The following TRPS1 variants were observed in gnomAD, a reference collection of about 807,000 sequenced individuals.
TRPS1 encodes transcriptional repressor GATA binding 1, also known as zinc finger transcription factor Trps1.
Under a neutral mutation model 101.2 loss-of-function variants are expected in TRPS1, and 6 were observed. The ratio of observed to expected loss-of-function variants is 0.06; its 90% CI spans 0.03 to 0.12. The LOEUF is 0.12. TRPS1 is among the 10% of genes least tolerant of loss of function. The pLI is 1.00. For synonymous variants in TRPS1, 578 were observed against 589.8 expected (o/e 0.98, Z 0.29); for missense variants, 1,363 against 1,567.0 (o/e 0.87, Z 2.20).
chr8:115,544,727 C>T (rs1184536075), intron 5 of TRPS1, among the ~76,000 whole-genome samples: 3 of 152,112 alleles, frequency 2.0e-5, no homozygotes, highest in Non-Finnish European at 2.9e-5. Context: ...TTCGTTAACA[C>T]CCTTTCATTA....
intron 5 of TRPS1, among the ~76,000 whole-genome samples, chr8:115,558,385 G>A (rs1183856812): frequency 1.3e-5 from 2 of 152,106 alleles, no homozygotes; most frequent in African/African-American, 4.8e-5. Flanking sequence ...CAAGCCAGTG[G>A]GGAAGGAATG....
At chr8:115,581,742 T>C (rs371207919) in intron 5 of TRPS1, among the ~76,000 whole-genome samples, 3 of 152,154 alleles carry the variant, frequency 2.0e-5, no homozygotes, top group African/African-American at 7.2e-5. Flanking sequence ...AAAAGCTACT[T>C]CACTTTTACA....
chr8:115,667,944 G>A (rs1811964192), intron 1 of TRPS1: 1 of 1,533,656 alleles, frequency 6.5e-7, no homozygotes, highest in Non-Finnish European at 8.7e-7. Context: ...AGTGGCGGCG[G>A]CGGCGGCGGC....
intron 5 of TRPS1, among the ~76,000 whole-genome samples, chr8:115,546,932 C>T (rs988687277): frequency 3.9e-5 from 6 of 152,156 alleles, no homozygotes; most frequent in East Asian, 1.9e-4. Flanking sequence ...CCCAATCCTA[C>T]GTTAACTGTT....
intron 5 of TRPS1, among the ~76,000 whole-genome samples, chr8:115,438,370 T>C (rs1234644063): frequency 1.3e-5 from 2 of 152,200 alleles, no homozygotes; most frequent in Non-Finnish European, 2.9e-5. Flanking sequence ...GCTCAGCAAT[T>C]ATCAGGGAAG....
intron 5 of TRPS1, among the ~76,000 whole-genome samples, chr8:115,452,317 A>G (rs1813895020): frequency 6.6e-6 from 1 of 152,246 alleles, no homozygotes; most frequent in African/African-American, 2.4e-5. Flanking sequence ...GCACATCTGC[A>G]CAACATCAGA....
At chr8:115,422,856 G>A (rs932766461) in intron 5 of TRPS1, among the ~76,000 whole-genome samples, 8 of 152,210 alleles carry the variant, frequency 5.3e-5, no homozygotes, top group East Asian at 3.9e-4. Context: ...CCATCACCTC[G>A]TGCCTGAGAG....
At chr8:115,493,880 A>AT (rs1815088977) in intron 5 of TRPS1, among the ~76,000 whole-genome samples, 1 of 152,256 alleles carries the variant, frequency 6.6e-6, no homozygotes, top group African/African-American at 2.4e-5. Context: ...ATAGAGGGCT[A>AT]TAGCATGGAA....
chr8:115,480,678 C>T (rs757261890), intron 5 of TRPS1, among the ~76,000 whole-genome samples: 22 of 152,076 alleles, frequency 1.4e-4, no homozygotes, highest in African/African-American at 4.3e-4. Context: ...GGCCATTTTT[C>T]GGCATACATA....
intron 5 of TRPS1, among the ~76,000 whole-genome samples, chr8:115,535,307 C>CATACATAGAGCAT (rs1554583844): frequency 7.6e-6 from 1 of 132,386 alleles, no homozygotes; most frequent in African/African-American, 2.7e-5. Flanking sequence ...ATATATATAG[C>CATACATAGAGCAT]ATATATAGCA....
chr8:115,547,825 G>T (rs1433767771), intron 5 of TRPS1, among the ~76,000 whole-genome samples: 2 of 152,140 alleles, frequency 1.3e-5, no homozygotes, highest in African/African-American at 4.8e-5. Flanking sequence ...TTTGAACAGT[G>T]AATTAATTAC....
At chr8:115,638,446 T>A (rs1818820017) in intron 1 of TRPS1, among the ~76,000 whole-genome samples, 1 of 152,190 alleles carries the variant, frequency 6.6e-6, no homozygotes, top group Admixed American at 6.5e-5. Flanking sequence ...GTTAAGGTCA[T>A]GAAGGTACCT....
chr8:115,621,647 G>C (rs540957627), intron 2 of TRPS1, among the ~76,000 whole-genome samples: 21 of 152,288 alleles, frequency 1.4e-4, no homozygotes, highest in Middle Eastern at 3.4e-3. Context: ...AAGCACAGGG[G>C]CTCACGCCTG....
At chr8:115,438,303 T>A (rs756637697) in intron 5 of TRPS1, among the ~76,000 whole-genome samples, 9 of 152,220 alleles carry the variant, frequency 5.9e-5, no homozygotes, top group Admixed American at 1.3e-4. Context: ...ATGCTCTACC[T>A]GTAAAAGGCA....
intron 1 of TRPS1, among the ~76,000 whole-genome samples, chr8:115,656,227 CTTAT>C (rs1017076322): frequency 1.3e-5 from 2 of 152,100 alleles, no homozygotes; most frequent in Admixed American, 6.6e-5. Flanking sequence ...ACAGTAGCAG[CTTAT>C]TTGTTTTTAC....
intron 5 of TRPS1, among the ~76,000 whole-genome samples, chr8:115,554,440 T>C (rs1321376081): frequency 2.6e-5 from 4 of 152,162 alleles, no homozygotes; most frequent in Non-Finnish European, 5.9e-5. Context: ...ACCCACCCCT[T>C]TCCTAGAACC....
chr8:115,587,171 G>A lies in TRPS1; in HGVS notation c.2530C>T (p.Pro844Ser). 1.9e-6 allele frequency: 3 copies of A among 1,614,202 alleles called. No homozygotes were observed. Among genetic ancestry groups the A allele is most frequent in the Non-Finnish European group, 2.5e-6 (3 of 1,180,034 alleles). The change falls in exon 5 of 7, where the codon CCC (proline) becomes TCC (serine). Residue 844 changes from proline to serine, a missense_variant. By Grantham distance (74) the Pro-to-Ser change is moderately conservative. This residue lies in a region of TRPS1 where 1,020 missense variants were observed against 1,073.0 expected (regional missense o/e 0.95). Transcript: ENST00000395715. ...QEQTKTLRDS[P>S]NVEAAHLARP... ...GCCAGATGGGCGGCCTCCACATTGG[G>A]ACTATCCCTTAGAGTCTTTGTCTGC...
intron 5 of TRPS1, among the ~76,000 whole-genome samples, chr8:115,437,030 G>A (rs1261467642): frequency 6.6e-6 from 1 of 152,000 alleles, no homozygotes; most frequent in Non-Finnish European, 1.5e-5. Flanking sequence ...TATAAGTAGA[G>A]CATTGGATAG....
chr8:115,635,721 G>A (rs747552016), intron 1 of TRPS1, among the ~76,000 whole-genome samples: 4 of 152,152 alleles, frequency 2.6e-5, no homozygotes, highest in Admixed American at 6.5e-5. Flanking sequence ...CAGAAGAAAT[G>A]GCAGGAGACC....
Sources: allele counts gnomAD v4.1 joint callset (sites outside exome capture counted in the v4.1 genomes callset), GRCh38; gene constraint gnomAD v4.1.1; regional missense constraint gnomAD v4.1.1; transcripts MANE v1.5; gene names NCBI Gene and HGNC (gene_info 2026-07-23, HGNC 2026-07-21).